Variants in TRHDE observed in about 807,000 individuals in gnomAD.
TRHDE encodes thyrotropin releasing hormone degrading enzyme, also known as thyrotropin-releasing hormone-degrading ectoenzyme.
TRHDE carries 72 observed loss-of-function variants against 125.7 expected under a neutral mutation model. That is an observed-to-expected ratio of 0.57 (90% confidence interval 0.47 to 0.70). The LOEUF (loss-of-function observed/expected upper bound fraction) is 0.70, where lower values mean the gene tolerates loss of function less well. Ranked by LOEUF, TRHDE falls within the 30% of genes least tolerant of loss-of-function variation. The pLI, the probability that TRHDE is intolerant of heterozygous loss-of-function variation, is 0.00. For missense variants in TRHDE, 1,110 were observed against 1,327.1 expected (o/e 0.84, Z 2.54); for synonymous variants, 509 against 509.1 (o/e 1.00, Z 0.00).
At chr12:72,092,956 A>G (rs1194326964) in intron 1 of TRHDE, among the ~76,000 whole-genome samples, 34 of 152,202 alleles carry the variant, frequency 2.2e-4, no homozygotes, top group Admixed American at 2.2e-3. Context: ...GTTTATGTGT[A>G]TGTATGGCTT....
rs544604979 is a variant in TRHDE, at chr12:72,577,221, C to G, written c.2321+1679C>G. Among the ~76,000 whole-genome samples, 21 of 152,246 alleles carry G rather than the reference C, an allele frequency of 1.4e-4. No individual in the cohort carries two copies. The South Asian group carries it at 3.5e-3, about 26-fold the overall frequency. ...TACCACAAAGAAAGGGTAAGGAACT[C>G]AAAGAAAGCTGTTTTCATTAGCTAA... On this transcript the variant is annotated intron_variant, in intron 12 of 18. Transcript: ENST00000261180.
intron 2 of TRHDE, among the ~76,000 whole-genome samples, chr12:72,349,729 C>T (rs1870497092): frequency 6.6e-6 from 1 of 151,918 alleles, no homozygotes; most frequent in Non-Finnish European, 1.5e-5. Context: ...GACATGTGGC[C>T]TTGGGATTGA....
chr12:72,218,156 T>C (rs977017366), intron 2 of TRHDE, among the ~76,000 whole-genome samples: 7 of 151,852 alleles, frequency 4.6e-5, no homozygotes, highest in Non-Finnish European at 7.4e-5. Flanking sequence ...ACAGAAAAAA[T>C]GTGAAGTTAC....
Position 72,148,802 on chromosome 12 carries a change from A to T in TRHDE, n.279+43050A>T, listed in dbSNP as rs187171421. On this transcript the variant is annotated intron_variant and non_coding_transcript_variant, in intron 2 of 4. Coordinates refer to the TRHDE transcript ENST00000548156. ...TTCTTTTTGCTGTTTTGTTTGTCAG[A>T]AAAGTAATTTGACTACATCCTGCAA... Among the ~76,000 whole-genome samples, 32 of 152,328 alleles carry T rather than the reference A, an allele frequency of 2.1e-4. No homozygotes were observed. The East Asian group carries it at 5.6e-3, about 27-fold the overall frequency.
At chr12:72,586,356 G>C (rs1158514843) in intron 12 of TRHDE, among the ~76,000 whole-genome samples, 1 of 152,292 alleles carries the variant, frequency 6.6e-6, no homozygotes, top group South Asian at 2.1e-4. Context: ...CTTAGGAGGA[G>C]ATTTGAAATA....
chr12:72,144,809 G>A lies in TRHDE; in HGVS notation n.279+39057G>A, dbSNP rs543876722. On this transcript the variant is annotated intron_variant and non_coding_transcript_variant, in intron 2 of 4. Transcript: ENST00000548156. ...CAATGCTATTCTGTGAGTGGGCACT[G>A]GGGATATGTAGTAGTGCCTGGTGTT... 5.9e-5 allele frequency among the ~76,000 whole-genome samples: 9 copies of A among 152,266 alleles called. No individual in the cohort carries two copies. The East Asian group carries it at 1.7e-3, about 29-fold the overall frequency.
At chr12:72,268,616 C>A (rs1879123304), upstream of TRHDE, among the ~76,000 whole-genome samples, 1 of 152,008 alleles carries the variant, frequency 6.6e-6, no homozygotes, top group African/African-American at 2.4e-5. Flanking sequence ...AGACTGAGTA[C>A]CCGAGGACAC....
At chr12:72,571,507 A>G (rs1018607268) in intron 10 of TRHDE, among the ~76,000 whole-genome samples, 1 of 152,218 alleles carries the variant, frequency 6.6e-6, no homozygotes, top group Non-Finnish European at 1.5e-5. Flanking sequence ...ATTAATGCCA[A>G]GGTAAAGCAT....
Position 72,109,773 on chromosome 12 carries a change from G to A in TRHDE, n.279+4021G>A, listed in dbSNP as rs112370645. 3.1e-3 allele frequency among the ~76,000 whole-genome samples: 471 copies of A among 152,138 alleles called. 3 individuals carry two copies. The highest frequency in any genetic ancestry group is 0.011 in the African/African-American group (451 of 41,540). On this transcript the variant is annotated intron_variant and non_coding_transcript_variant, in intron 2 of 4. Coordinates refer to the TRHDE transcript ENST00000548156. ...ATGTCTACTCTTAGAACTTTAATTG[G>A]TGAACTGGAATGGGATTGGCATGAC...
At chr12:72,523,372 G>T (rs951039721) in intron 6 of TRHDE, among the ~76,000 whole-genome samples, 3 of 152,108 alleles carry the variant, frequency 2.0e-5, no homozygotes, top group African/African-American at 7.2e-5. Context: ...ATGGAAGAAA[G>T]CTAGAAGTAG....
intron 3 of TRHDE, among the ~76,000 whole-genome samples, chr12:72,462,391 C>A (rs937253902): frequency 1.3e-5 from 2 of 152,140 alleles, no homozygotes; most frequent in Non-Finnish European, 2.9e-5. Flanking sequence ...AGCCGCAGAG[C>A]TCTTTACATG....
At chr12:72,321,039 G>A (rs1373923846) in intron 2 of TRHDE, among the ~76,000 whole-genome samples, 1 of 152,176 alleles carries the variant, frequency 6.6e-6, no homozygotes, top group African/African-American at 2.4e-5. Flanking sequence ...ATCTACCATA[G>A]TGTAGAAAAG....
intron 2 of TRHDE, among the ~76,000 whole-genome samples, chr12:72,371,540 C>G (rs911887911): frequency 2.6e-4 from 40 of 151,620 alleles, no homozygotes; most frequent in African/African-American, 8.7e-4. Flanking sequence ...ATCCTTCCCC[C>G]CTCCCCCAAC....
chr12:72,575,513 C>T lies in TRHDE; in HGVS notation c.2292C>T (p.Gly764=), dbSNP rs1216204053. The T allele has an allele frequency of 1.9e-6, 3 of 1,613,608 alleles. No homozygotes were observed. The highest frequency in any genetic ancestry group is 1.1e-5 in the South Asian group (1 of 91,068). The part of the protein sequence containing the change: ...HEVLSVSNRA[G]LIDDAFSLAR... ...TTCTTTCTGTCAGTAACCGAGCGGG[C>T]TTGATCGATGATGCCTTCAGCCTAG... Residue 764 remains glycine, a synonymous_variant, in exon 12 of 19, where the codon GGC becomes GGT. Coordinates refer to ENST00000261180, the MANE Select transcript of TRHDE (RefSeq NM_013381.3).
chr12:72,428,204 T>C (rs1413758394), intron 3 of TRHDE, among the ~76,000 whole-genome samples: 1 of 152,172 alleles, frequency 6.6e-6, no homozygotes, highest in Non-Finnish European at 1.5e-5. Context: ...TAGGGACATA[T>C]TTCTATGTCA....
At chr12:72,450,552 G>A (rs938225473) in intron 3 of TRHDE, among the ~76,000 whole-genome samples, 4 of 151,790 alleles carry the variant, frequency 2.6e-5, no homozygotes, top group Admixed American at 2.6e-4. Context: ...CTTACCAATT[G>A]TCAAGAATAT....
chr12:72,165,108 C>CA (rs1876716022), intron 2 of TRHDE, among the ~76,000 whole-genome samples: 1 of 152,194 alleles, frequency 6.6e-6, no homozygotes, highest in African/African-American at 2.4e-5. Flanking sequence ...CTATGATAAT[C>CA]ATGGCCTCCC....
chr12:72,507,237 A>T lies in TRHDE; in HGVS notation c.1722+7602A>T, dbSNP rs373884743. 2.6e-5 allele frequency among the ~76,000 whole-genome samples: 4 copies of T among 152,270 alleles called. No individual in the cohort carries two copies. In the East Asian group the frequency reaches 5.8e-4, roughly 22 times the overall value. On this transcript the variant is annotated intron_variant, in intron 6 of 18. Coordinates refer to ENST00000261180, the MANE Select transcript of TRHDE (RefSeq NM_013381.3). The stretch of plus-strand genomic sequence containing the variant: ...ACTAATACAGAAAATTGGCACCAGG[A>T]GTGGGGCATTGCTGTAAAGATACCT...
upstream of TRHDE, among the ~76,000 whole-genome samples, chr12:72,268,593 C>T (rs1025385928): frequency 2.0e-5 from 3 of 152,076 alleles, no homozygotes; most frequent in African/African-American, 2.4e-5. Context: ...TGAGGTTTTA[C>T]TCACATGTGA....
Sources: allele counts gnomAD v4.1 joint callset (sites outside exome capture counted in the v4.1 genomes callset), GRCh38; gene constraint gnomAD v4.1.1; transcripts MANE v1.5; gene names NCBI Gene and HGNC (gene_info 2026-07-23, HGNC 2026-07-21).